Variants in TAMM41 observed in about 807,000 individuals in gnomAD.
TAMM41 encodes phosphatidate cytidylyltransferase, mitochondrial.
TAMM41 carries 36 observed loss-of-function variants against 44.1 expected under a neutral mutation model. The ratio of observed to expected loss-of-function variants is 0.82; its 90% confidence interval spans 0.63 to 1.08. TAMM41 has a LOEUF of 1.08. TAMM41 is among the 50% of genes least tolerant of loss of function. The probability of loss-of-function intolerance (pLI) is 0.00; values close to 1 mark genes in which losing one functional copy is unlikely to be tolerated. For missense variants in TAMM41, 417 were observed against 404.3 expected (o/e 1.03, Z -0.27); for synonymous variants, 164 against 153.1 (o/e 1.07, Z -0.53).
intron 7 of TAMM41, among the ~76,000 whole-genome samples, chr3:11,799,870 A>T (rs1376135695): frequency 6.6e-6 from 1 of 152,232 alleles, no homozygotes; most frequent in Non-Finnish European, 1.5e-5. Context: ...CCATAAAGGA[A>T]ACCTCATCAG....
chr3:11,775,761 A>G, the TAMM41 span, among the ~76,000 whole-genome samples: 2 of 152,194 alleles, frequency 1.3e-5, no homozygotes, highest in African/African-American at 4.8e-5. Context: ...GTTTATGTAT[A>G]TATACAGCCA....
chr3:11,728,662 G>A, the TAMM41 span, among the ~76,000 whole-genome samples: 4 of 152,166 alleles, frequency 2.6e-5, no homozygotes, highest in African/African-American at 4.8e-5. Flanking sequence ...GCGATTAGTC[G>A]AAGAGCTGTG....
chr3:11,819,272 A>G (rs2078414607), intron 4 of TAMM41, among the ~76,000 whole-genome samples: 1 of 152,212 alleles, frequency 6.6e-6, no homozygotes, highest in African/African-American at 2.4e-5. Flanking sequence ...TCTGGTAAAT[A>G]CCAGCCACTG....
At chr3:11,768,177 G>T in the TAMM41 span, among the ~76,000 whole-genome samples, 3 of 150,812 alleles carry the variant, frequency 2.0e-5, no homozygotes, top group Admixed American at 6.6e-5. Flanking sequence ...TCATTCTGTA[G>T]CCTGGCTGGA....
intron 7 of TAMM41, among the ~76,000 whole-genome samples, chr3:11,801,806 C>A (rs935525262): frequency 1.3e-5 from 2 of 151,808 alleles, no homozygotes; most frequent in African/African-American, 4.8e-5. Flanking sequence ...AAAAATATAA[C>A]GAAAACTATA....
Position 11,846,834 on chromosome 3 carries a change from CGCAGCCCAGATAG to C in TAMM41, c.-211_-199del, listed in dbSNP as rs1192336557. The stretch of plus-strand genomic sequence containing the variant: ...GCCACGAAGAGCAGCGGCGAGAAGA[CGCAGCCCAGATAG>C]GCTCGGGTGGGCGGCGGTCGCACAG... On this transcript the variant is annotated 5_prime_UTR_variant, in exon 1 of 8. Transcript: ENST00000455809. 1 of 665,374 alleles carries C rather than the reference CGCAGCCCAGATAG, an allele frequency of 1.5e-6. No individual in the cohort carries two copies. Among genetic ancestry groups the C allele is most frequent in the African/African-American group, 1.8e-5 (1 of 55,068 alleles). 41.2% of individuals were successfully genotyped at this position (665,374 alleles called of 1,614,324 possible).
At chr3:11,818,853 G>A (rs1005093307) in intron 4 of TAMM41, among the ~76,000 whole-genome samples, 3 of 148,854 alleles carry the variant, frequency 2.0e-5, no homozygotes, top group Admixed American at 6.7e-5. Context: ...AGCCGAGATC[G>A]CGCCACTGCA....
chr3:11,774,777 A>C, the TAMM41 span, among the ~76,000 whole-genome samples: 1 of 152,058 alleles, frequency 6.6e-6, no homozygotes, highest in Non-Finnish European at 1.5e-5. Context: ...GGAAGAAAGG[A>C]TCTCCCTGGG....
chr3:11,845,759 AG>A (rs2079653765), intron 1 of TAMM41, among the ~76,000 whole-genome samples: 1 of 152,178 alleles, frequency 6.6e-6, no homozygotes, highest in Admixed American at 6.5e-5. Context: ...ATCCAGACGC[AG>A]GGGGCCCCAT....
the TAMM41 span, among the ~76,000 whole-genome samples, chr3:11,744,864 A>G: frequency 9.2e-6 from 1 of 108,710 alleles, no homozygotes; most frequent in Non-Finnish European, 2.0e-5. Flanking sequence ...TCATCTCTAC[A>G]GGTAATTTTT....
the TAMM41 span, among the ~76,000 whole-genome samples, chr3:11,723,595 AC>A: frequency 3.2e-4 from 47 of 149,102 alleles, no homozygotes; most frequent in South Asian, 1.3e-3. Context: ...AAAAAAAAAA[AC>A]AAAAACAAAA....
At chr3:11,826,215 T>C (rs1463642768) in intron 4 of TAMM41, among the ~76,000 whole-genome samples, 1 of 152,202 alleles carries the variant, frequency 6.6e-6, no homozygotes, top group Non-Finnish European at 1.5e-5. Flanking sequence ...AATCATTTTC[T>C]GAACACTGAC....
chr3:11,830,881 C>CAA (rs10664269), intron 3 of TAMM41: 45,730 of 138,432 alleles, frequency 0.33, 10,348 homozygotes, highest in East Asian at 0.74. Flanking sequence ...GACCCTGTCT[C>CAA]AAAAAAAAAA....
chr3:11,836,264 T>C (rs2079171373), intron 3 of TAMM41, among the ~76,000 whole-genome samples: 1 of 152,126 alleles, frequency 6.6e-6, no homozygotes, highest in African/African-American at 2.4e-5. Context: ...GTGCTGGGAT[T>C]ACAGGCATGA....
chr3:11,774,664 C>G, the TAMM41 span, among the ~76,000 whole-genome samples: 89,152 of 151,884 alleles, frequency 0.59, 27,014 homozygotes, highest in East Asian at 0.77. Flanking sequence ...TCTCAGTCTG[C>G]AGGCTGGGAA....
chr3:11,732,988 A>G, the TAMM41 span, among the ~76,000 whole-genome samples: 6 of 99,348 alleles, frequency 6.0e-5, no homozygotes, highest in African/African-American at 7.4e-5. Context: ...ATATGATTTG[A>G]GTTTTTTTTT....
chr3:11,808,813 A>C (rs956242144), intron 6 of TAMM41: 2 of 167,586 alleles, frequency 1.2e-5, no homozygotes, highest in Non-Finnish European at 2.4e-5. Flanking sequence ...GCAGCCTCCA[A>C]CTGCTCAAGC....
At position 11,830,031 on chromosome 3, in the gene TAMM41, C is replaced by T. The variant is rs143183220; in HGVS notation, c.412-167G>A. 2.6e-3 allele frequency: 1,510 copies of T among 592,040 alleles called. 18 individuals are homozygous for T. The highest frequency in any genetic ancestry group is 0.025 in the African/African-American group (1,346 of 54,266). The allele number at this position is 592,040 out of a possible 1,614,324, so 36.7% of individuals were successfully genotyped here. Reference sequence around the variant, plus strand: ...CCTCTAATAAGTAATCCCAGAATCTCCTTGTTTTATGCCAAGGTCAAAGAA... The same window carrying T: ...CCTCTAATAAGTAATCCCAGAATCTTCTTGTTTTATGCCAAGGTCAAAGAA... On this transcript the variant is annotated intron_variant, in intron 3 of 7. Coordinates refer to ENST00000455809, the MANE Select transcript of TAMM41 (RefSeq NM_001284401.2).
chr3:11,820,542 G>A (rs1348702183), intron 4 of TAMM41, among the ~76,000 whole-genome samples: 1 of 152,158 alleles, frequency 6.6e-6, no homozygotes, highest in Non-Finnish European at 1.5e-5. Context: ...GCCTGGCACA[G>A]GGAACACATA....
Sources: allele counts gnomAD v4.1 joint callset (sites outside exome capture counted in the v4.1 genomes callset), GRCh38; gene constraint gnomAD v4.1.1; transcripts MANE v1.5; gene names NCBI Gene and HGNC (gene_info 2026-07-23, HGNC 2026-07-21).